The following L1CAM variants were observed in gnomAD, a reference collection of about 807,000 sequenced individuals.
L1CAM encodes L1 cell adhesion molecule, also known as neural cell adhesion molecule L1.
In L1CAM, 8 loss-of-function variants were observed where a neutral mutation model predicts 93.0. The observed-to-expected ratio is 0.09, with a 90% confidence interval of 0.05 to 0.16. The LOEUF is 0.16. Ranked by LOEUF, L1CAM falls within the 10% of genes least tolerant of loss-of-function variation. The pLI is 1.00. For missense variants in L1CAM, 777 were observed against 1,073.4 expected (o/e 0.72, Z 3.86); for synonymous variants, 453 against 453.0 (o/e 1.00, Z 0.00).
At chrX:153,881,891 C>T (rs7878073) in intron 1 of L1CAM, among the ~76,000 whole-genome samples, 5,550 of 111,341 alleles carry the variant, frequency 0.05, 352 homozygotes, top group African/African-American at 0.17. Context: ...TCCTCTCAGG[C>T]CCCAGGCCTC....
At chrX:153,886,000 G>T (rs1337868789) in intron 1 of L1CAM, 65 bp downstream of exon 1, 33 of 552,622 alleles carry the variant, frequency 6.0e-5, no homozygotes, top group Admixed American at 2.5e-3. Flanking sequence ...CGGGCAGAGC[G>T]GTGTGGTGTC....
Position 153,886,055 on chromosome X carries a change from C to G in L1CAM, c.-109+10G>C. On this transcript the variant is annotated intron_variant, in intron 1 of 28. Transcript: ENST00000370060. ...GGCCCGGGTCGCACGGGGAGGCCAGCCCGCCTTACCTGCGCTGCGGCCACC... is the reference window on the plus strand; with the variant it reads ...GGCCCGGGTCGCACGGGGAGGCCAGGCCGCCTTACCTGCGCTGCGGCCACC... The G allele has an allele frequency of 2.8e-6, 1 of 356,322 alleles. No individual in the cohort carries two copies. Among genetic ancestry groups the G allele is most frequent in the Non-Finnish European group, 3.6e-6 (1 of 276,672 alleles). 29.4% of individuals were successfully genotyped at this position (356,322 alleles called of 1,213,427 possible).
chrX:153,867,001 C>G, intron 18 of L1CAM, 53 bp downstream of exon 18: 2 of 1,140,933 alleles, frequency 1.8e-6, no homozygotes, highest in Non-Finnish European at 2.4e-6. Context: ...GAGCAACAGA[C>G]ACCCAGGTCA....
At chrX:153,875,135 C>T (rs368888944) in intron 2 of L1CAM, among the ~76,000 whole-genome samples, 106 of 111,752 alleles carry the variant, frequency 9.5e-4, no homozygotes, top group African/African-American at 3.4e-3. Flanking sequence ...CTGCTTGTGC[C>T]CCCAACAAAT....
chrX:153,884,858 G>A (rs1299852229), intron 1 of L1CAM, among the ~76,000 whole-genome samples: 1 of 113,133 alleles, frequency 8.8e-6, no homozygotes, highest in Non-Finnish European at 1.9e-5. Context: ...AAGAAGGGCG[G>A]ACTGCACTGA....
chrX:153,878,573 TGTAGGAGCA>T (rs1557095111), intron 1 of L1CAM, among the ~76,000 whole-genome samples: 2 of 112,376 alleles, frequency 1.8e-5, no homozygotes, highest in Admixed American at 1.9e-4. Context: ...CTTCAAGGCC[TGTAGGAGCA>T]GTAGGAGACT....
At chrX:153,864,555 C>T (rs1362951261) in intron 24 of L1CAM, 30 bp downstream of exon 24, 1 of 1,205,741 alleles carries the variant, frequency 8.3e-7, no homozygotes, top group Non-Finnish European at 1.1e-6. Flanking sequence ...CCCTTCCCCA[C>T]CACGCCCCAA....
intron 21 of L1CAM, 28 bp downstream of exon 21, chrX:153,865,271 G>C (rs1250218006): frequency 3.6e-5 from 44 of 1,209,690 alleles, no homozygotes; most frequent in Non-Finnish European, 4.8e-5. Flanking sequence ...AGGAGGGCAG[G>C]GGATGAGGCG....
intron 1 of L1CAM, among the ~76,000 whole-genome samples, chrX:153,882,775 A>T (rs1328693173): frequency 9.0e-6 from 1 of 111,465 alleles, no homozygotes; most frequent in Non-Finnish European, 1.9e-5. Flanking sequence ...TGCTGGGTGT[A>T]AGGGCCAGAG....
At chrX:153,873,814 GCCCTCCTCTTCT>G (rs1279707348) in intron 2 of L1CAM, among the ~76,000 whole-genome samples, 2 of 112,838 alleles carry the variant, frequency 1.8e-5, no homozygotes, top group African/African-American at 6.4e-5. Context: ...GTTGGCGCCA[GCCCTCCTCTTCT>G]CCCTCCTTCC....
intron 17 of L1CAM, 89 bp downstream of exon 17, chrX:153,867,267 G>A: frequency 9.9e-7 from 1 of 1,014,020 alleles, no homozygotes; most frequent in Non-Finnish European, 1.4e-6. Flanking sequence ...GGAAGCAGAG[G>A]AACTTGGGCA....
rs782520349 is a variant in L1CAM, at chrX:153,867,930, G to A, written c.1829-20C>T. On this transcript the variant is annotated intron_variant, in intron 15 of 28. Transcript: ENST00000370060. ...GGCTCCCTGAGGGTGGGGAGGGTCGGTGCTTGAAAGGGCCCAGGGATGTGA... is the reference window on the plus strand; with the variant it reads ...GGCTCCCTGAGGGTGGGGAGGGTCGATGCTTGAAAGGGCCCAGGGATGTGA... 4 of 1,210,001 alleles carry A rather than the reference G, an allele frequency of 3.3e-6. No individual in the cohort carries two copies. Among genetic ancestry groups the A allele is most frequent in the Non-Finnish European group, 4.5e-6 (4 of 894,488 alleles).
intron 2 of L1CAM, chrX:153,875,494 G>T: frequency 2.1e-6 from 1 of 471,737 alleles, no homozygotes. Flanking sequence ...TCGGGGCCCT[G>T]CTCCAGGTTC....
chrX:153,880,615 A>G, intron 1 of L1CAM: 1 of 339,046 alleles, frequency 2.9e-6, no homozygotes, highest in Non-Finnish European at 5.9e-6. Context: ...TGTCACCTAC[A>G]CCCTGTGCAC....
chrX:153,864,322 C>T lies in L1CAM; in HGVS notation c.3322G>A (p.Gly1108Ser), dbSNP rs2064691506. The T allele has an allele frequency of 8.3e-7, 1 of 1,211,297 alleles. No homozygotes were observed. Residue 1108 changes from glycine to serine, a missense_variant and splice_region_variant, in exon 25 of 29, where the codon GGC becomes AGC. Transcript: ENST00000370060. ...HQMAVKTNGTGRVRLPPAGFA... is the reference protein window; with the variant it reads ...HQMAVKTNGTSRVRLPPAGFA... ...TGATGGCGGGCCCCCGGCGCCTCAC[C>T]TGTGCCATTGGTCTTCACAGCCATT...
chrX:153,880,563 G>C (rs1401138536), intron 1 of L1CAM: 2 of 325,761 alleles, frequency 6.1e-6, no homozygotes, highest in East Asian at 2.1e-4. Context: ...CTGGGAGCCT[G>C]GGGGGCTTCT....
Position 153,862,725 on chromosome X carries a change from C to A in L1CAM, c.3712G>T (p.Ala1238Ser), listed in dbSNP as rs144089789. Residue 1238 changes from alanine to serine, a missense_variant, in exon 29 of 29, where the codon GCA (alanine) becomes TCA (serine). Coordinates refer to ENST00000370060, the MANE Select transcript of L1CAM (RefSeq NM_001278116.2). ...GCCCCTGAGCTGTCATTGCCCCCTG[C>A]CGCCTCCTTCTCCTTCTTGCCACTG... is the stretch of plus-strand genomic sequence containing the variant. ...QYSGKKEKEA[A>S]GGNDSSGATS... 8.3e-7 allele frequency: 1 copy of A among 1,210,987 alleles called. No homozygotes were observed. Among genetic ancestry groups the A allele is most frequent in the Non-Finnish European group, 1.1e-6 (1 of 895,239 alleles).
rs1313254715 is a variant in L1CAM, at chrX:153,862,573, G to A, written c.*90C>T. The A allele has an allele frequency of 3.1e-5, 23 of 743,986 alleles. No homozygotes were observed. Among genetic ancestry groups the A allele is most frequent in the Admixed American group, 6.2e-5 (2 of 32,278 alleles). 61.3% of individuals were successfully genotyped at this position (743,986 alleles called of 1,213,427 possible). On this transcript the variant is annotated 3_prime_UTR_variant, in exon 29 of 29. Coordinates refer to ENST00000370060, the MANE Select transcript of L1CAM (RefSeq NM_001278116.2). The stretch of plus-strand genomic sequence containing the variant: ...GATCCGAGGCAGCAAGTTCTCCTCT[G>A]CCCCAACTCCAGCCTCCCATGGGCC...
Position 153,869,561 on chromosome X carries a change from C to G in L1CAM, c.1226G>C (p.Arg409Pro). 8.3e-7 allele frequency: 1 copy of G among 1,210,965 alleles called. No individual in the cohort carries two copies. The highest frequency in any genetic ancestry group is 1.8e-5 in the South Asian group (1 of 56,626). The change falls in exon 11 of 29, where the codon CGG becomes CCG. Residue 409 changes from arginine (R) to proline (P), a missense_variant. By Grantham distance (103) the Arg-to-Pro change is moderately radical. Transcript: ENST00000370060. ...TMVTQCEARNRHGLLLANAYI... is the reference protein window; with the variant it reads ...TMVTQCEARNPHGLLLANAYI... ...GGCATTGGCCAGCAAGAGCCCGTGC[C>G]GGTTGCGGGCCTCACATTGGGTCAC...
Sources: gnomAD v4.1 joint callset for allele counts (sites outside exome capture counted in the v4.1 genomes callset) on GRCh38, gnomAD v4.1.1 for gene constraint, MANE v1.5 for transcripts, NCBI Gene and HGNC (gene_info 2026-07-23, HGNC 2026-07-21) for gene names.